The following FNDC3B variants were observed in gnomAD, a reference collection of about 807,000 sequenced individuals.
FNDC3B encodes fibronectin type III domain-containing protein 3B.
In FNDC3B, 12 loss-of-function variants were observed where a neutral mutation model predicts 151.5. The observed-to-expected ratio is 0.08, with a 90% CI of 0.05 to 0.13. The LOEUF (loss-of-function observed/expected upper bound fraction) is 0.13, where lower values mean the gene tolerates loss of function less well. FNDC3B is among the 10% of genes least tolerant of loss of function. The pLI, the probability that FNDC3B is intolerant of heterozygous loss-of-function variation, is 1.00. For synonymous variants in FNDC3B, 528 were observed against 549.0 expected, an observed-to-expected ratio of 0.96 and a Z score of 0.54; for missense variants, 1,214 against 1,505.3, an observed-to-expected ratio of 0.81 and a Z score of 3.20.
intron 22 of FNDC3B, among the ~76,000 whole-genome samples, chr3:172,360,247 T>C (rs1321619655): frequency 2.0e-5 from 3 of 152,220 alleles, no homozygotes; most frequent in Non-Finnish European, 4.4e-5. Context: ...ATTTGCCATC[T>C]GTATTCCCTC....
intron 1 of FNDC3B, among the ~76,000 whole-genome samples, chr3:172,083,207 G>T (rs1356785906): frequency 6.6e-6 from 1 of 152,166 alleles, no homozygotes; most frequent in Non-Finnish European, 1.5e-5. Context: ...CTGTACCACA[G>T]AAAAAGGACT....
At chr3:172,270,502 G>A (rs910828789) in intron 6 of FNDC3B, among the ~76,000 whole-genome samples, 1 of 152,096 alleles carries the variant, frequency 6.6e-6, no homozygotes, top group Non-Finnish European at 1.5e-5. Flanking sequence ...CTCTCTCTTG[G>A]AAAGTTCTTT....
chr3:172,389,839 C>T (rs1280545551), intron 25 of FNDC3B, among the ~76,000 whole-genome samples: 3 of 152,200 alleles, frequency 2.0e-5, no homozygotes, highest in Admixed American at 6.5e-5. Flanking sequence ...GCACTCCAGC[C>T]TGGGCGAGAG....
At chr3:172,269,595 G>T (rs897180358) in intron 6 of FNDC3B, among the ~76,000 whole-genome samples, 1 of 152,092 alleles carries the variant, frequency 6.6e-6, no homozygotes, top group Non-Finnish European at 1.5e-5. Flanking sequence ...AGATTGTAGA[G>T]CCAACTGTAC....
Position 172,298,908 on chromosome 3 carries a change from G to A in FNDC3B, c.1061+121G>A, listed in dbSNP as rs148157438. 8.4e-3 allele frequency: 4,950 copies of A among 592,110 alleles called. 49 individuals carry two copies. The highest frequency in any genetic ancestry group is 8.1e-3 in the Non-Finnish European group (2,803 of 344,200). 36.7% of individuals were successfully genotyped at this position (592,110 alleles called of 1,614,324 possible). ...ACCTTGCTGAAAGTTGTAGAACCAT[G>A]GCTTATGGGCCATTCATTGACTCTC... On this transcript the variant is annotated intron_variant, in intron 9 of 25. Transcript: ENST00000415807.
At chr3:172,247,407 C>T in intron 4 of FNDC3B, 126 bp from the exon 5 acceptor site, 1 of 996,404 alleles carries the variant, frequency 1.0e-6, no homozygotes, top group Non-Finnish European at 1.5e-6. Flanking sequence ...AACCAGAATA[C>T]AACATGCATT....
chr3:172,148,239 C>T (rs1296046659), intron 3 of FNDC3B, among the ~76,000 whole-genome samples: 1 of 151,996 alleles, frequency 6.6e-6, no homozygotes, highest in African/African-American at 2.4e-5. Flanking sequence ...TGGAGATCAT[C>T]AAGTTAGGAA....
intron 16 of FNDC3B, among the ~76,000 whole-genome samples, chr3:172,338,625 A>G (rs1478774893): frequency 1.3e-5 from 2 of 152,256 alleles, no homozygotes; most frequent in Non-Finnish European, 2.9e-5. Context: ...TCTTTCTAAT[A>G]AAATTCATTA....
intron 6 of FNDC3B, among the ~76,000 whole-genome samples, chr3:172,283,475 G>A (rs943962295): frequency 1.3e-5 from 2 of 152,146 alleles, no homozygotes; most frequent in Non-Finnish European, 2.9e-5. Flanking sequence ...CTTGTGTGTT[G>A]AGTAGGTGAT....
chr3:172,280,905 T>TTA (rs1729673548), intron 6 of FNDC3B, among the ~76,000 whole-genome samples: 1 of 149,834 alleles, frequency 6.7e-6, no homozygotes, highest in Admixed American at 6.6e-5. Flanking sequence ...TTCTTTTTTT[T>TTA]GAAAAAAACT....
At chr3:172,298,852 C>G in intron 9 of FNDC3B, 65 bp downstream of exon 9, 1 of 1,205,586 alleles carries the variant, frequency 8.3e-7, no homozygotes, top group Non-Finnish European at 1.2e-6. Flanking sequence ...AAAACATGTA[C>G]TCCCTTTTAA....
At chr3:172,145,439 GTGGGTATACGCATACACTTA>G (rs1169669740) in intron 3 of FNDC3B, among the ~76,000 whole-genome samples, 6 of 152,206 alleles carry the variant, frequency 3.9e-5, no homozygotes, top group Non-Finnish European at 8.8e-5. Flanking sequence ...TCTCATTAAA[GTGGGTATACGCATACACTTA>G]TCTCATGTAA....
At chr3:172,338,715 A>G (rs1733119439) in intron 16 of FNDC3B, among the ~76,000 whole-genome samples, 1 of 151,974 alleles carries the variant, frequency 6.6e-6, no homozygotes, top group African/African-American at 2.4e-5. Context: ...CTCTCTAACT[A>G]TTAAGGTTTT....
Position 172,040,413 on chromosome 3 carries a change from G to C in FNDC3B, c.-29+642G>C, listed in dbSNP as rs1304177378. The stretch of plus-strand genomic sequence containing the variant: ...GCCTGGCCCCCCCGTCCCCGGCTGG[G>C]CCTCTCCGGGACACTCCCCGCCCCG... On this transcript the variant is annotated intron_variant, in intron 1 of 25. Coordinates refer to ENST00000415807, the MANE Select transcript of FNDC3B (RefSeq NM_022763.4). This position sits in a 1 kb window ranked among gnomAD's most constrained non-coding sequence, Gnocchi z 6.6. 1 of 151,998 alleles carries C rather than the reference G, an allele frequency of 6.6e-6. No individual in the cohort carries two copies. Among genetic ancestry groups the C allele is most frequent in the Non-Finnish European group, 1.5e-5 (1 of 68,016 alleles). 9.4% of individuals were successfully genotyped at this position (151,998 alleles called of 1,614,324 possible).
intron 1 of FNDC3B, among the ~76,000 whole-genome samples, chr3:172,101,661 A>G (rs1719385431): frequency 6.6e-6 from 1 of 152,214 alleles, no homozygotes; most frequent in East Asian, 1.9e-4. Flanking sequence ...TGTACCAAAG[A>G]TATTACTCTA....
intron 22 of FNDC3B, among the ~76,000 whole-genome samples, chr3:172,353,490 G>A (rs1049984549): frequency 1.3e-5 from 2 of 152,184 alleles, no homozygotes; most frequent in African/African-American, 4.8e-5. Context: ...GGATGGCATT[G>A]GAGATACGTT....
At chr3:172,236,338 C>A (rs1727161100) in intron 4 of FNDC3B, among the ~76,000 whole-genome samples, 1 of 152,082 alleles carries the variant, frequency 6.6e-6, no homozygotes, top group Admixed American at 6.6e-5. Context: ...AATCTTGTCA[C>A]CCGTTTAGCC....
chr3:172,256,914 G>C (rs1728372503), intron 6 of FNDC3B, among the ~76,000 whole-genome samples: 1 of 151,858 alleles, frequency 6.6e-6, no homozygotes, highest in African/African-American at 2.4e-5. Flanking sequence ...AATCAAGAGT[G>C]TAAAGTCACA....
intron 3 of FNDC3B, among the ~76,000 whole-genome samples, chr3:172,165,259 C>G (rs1434005616): frequency 5.3e-5 from 8 of 152,210 alleles, no homozygotes; most frequent in African/African-American, 1.9e-4. Flanking sequence ...ATCCTCCCAC[C>G]TCAGCCTCCC....
Sources: allele counts gnomAD v4.1 joint callset (sites outside exome capture counted in the v4.1 genomes callset), GRCh38; gene constraint gnomAD v4.1.1; non-coding constraint Gnocchi (gnomAD v3.1); transcripts MANE v1.5; gene names NCBI Gene and HGNC (gene_info 2026-07-23, HGNC 2026-07-21).